BZW1: variants seen among roughly 807,000 people sequenced by gnomAD.
The protein encoded by BZW1 is basic leucine zipper and W2 domains 1.
Under a neutral mutation model 54.1 loss-of-function variants are expected in BZW1, and 3 were observed. That is an observed-to-expected ratio of 0.06 (90% CI 0.03 to 0.14). The LOEUF (loss-of-function observed/expected upper bound fraction) is 0.14. Among genes scored for constraint, BZW1 ranks in the 10% least tolerant of loss-of-function variants. The probability of loss-of-function intolerance (pLI) is 1.00; values close to 1 mark genes in which losing one functional copy is unlikely to be tolerated. For synonymous variants in BZW1, 152 were observed against 162.7 expected, an observed-to-expected ratio of 0.93 and a Z score of 0.50; for missense variants, 206 against 491.7, an observed-to-expected ratio of 0.42 and a Z score of 5.50.
chr2:200,820,676 C>T (rs1205848775), intron 10 of BZW1, among the ~76,000 whole-genome samples: 1 of 150,868 alleles, frequency 6.6e-6, no homozygotes, highest in Non-Finnish European at 1.5e-5. Flanking sequence ...CAAGTGAGAC[C>T]CTGTTTCAAA....
chr2:200,812,305 G>C (rs1487677842), intron 1 of BZW1: 5 of 1,251,086 alleles, frequency 4.0e-6, no homozygotes, highest in East Asian at 6.3e-5. Flanking sequence ...CCTCTGTTGT[G>C]TGATGTACGC....
intron 1 of BZW1, 137 bp from the exon 2 acceptor site, chr2:200,813,071 C>G (rs758030166): frequency 8.9e-5 from 64 of 717,962 alleles, no homozygotes; most frequent in Non-Finnish European, 1.4e-4. Flanking sequence ...GTGCCTGTAT[C>G]GGGTATAATT....
rs1345467446 is a variant in BZW1 at position 200,824,396 on chromosome 2, T to A, written c.*2218T>A. On this transcript the variant is annotated 3_prime_UTR_variant, in exon 12 of 12. Coordinates refer to ENST00000409600, the MANE Select transcript of BZW1 (RefSeq NM_001207067.2). ...GATAAATGTTTTTTCTAACTGTCAG[T>A]TTCTAAGGCTGTCTCCTTAGAAACT... 6.6e-6 allele frequency: 1 copy of A among 152,152 alleles called. No homozygotes were observed. Among genetic ancestry groups the A allele is most frequent in the Non-Finnish European group, 1.5e-5 (1 of 68,016 alleles). The allele number at this position is 152,152 out of a possible 1,614,324, so 9.4% of individuals were successfully genotyped here.
chr2:200,815,784 G>C (rs1331453007), intron 4 of BZW1, 23 bp downstream of exon 4: 5 of 1,506,752 alleles, frequency 3.3e-6, no homozygotes, highest in Non-Finnish European at 4.4e-6. Context: ...TTACATAATT[G>C]TTTTCAGTTG....
chr2:200,812,617 G>A (rs1026485321), intron 1 of BZW1: 8 of 1,338,740 alleles, frequency 6.0e-6, no homozygotes, highest in Non-Finnish European at 7.0e-6. Flanking sequence ...TGGGAGACAC[G>A]TTACCGGGGA....
chr2:200,813,869 T>C (rs2038187946), intron 2 of BZW1, among the ~76,000 whole-genome samples: 1 of 152,236 alleles, frequency 6.6e-6, no homozygotes, highest in African/African-American at 2.4e-5. Context: ...AGACGTAGTC[T>C]CAGATATATT....
chr2:200,811,890 C>T (rs574807822), upstream of BZW1: 5 of 201,532 alleles, frequency 2.5e-5, no homozygotes, highest in South Asian at 5.7e-4. Flanking sequence ...GGGGTGGCAC[C>T]TCTCCCTCCT....
In BZW1 at chr2:200,812,483, C is replaced by A. The variant is rs906399959; in HGVS notation, c.-11+493C>A. ...CCGCTCGTTGCGGCGGCCGCCACCG[C>A]AGGCGACAGGGTCAGTGGAGAAAGA... On this transcript the variant is annotated intron_variant, in intron 1 of 11. Coordinates refer to ENST00000409600, the MANE Select transcript of BZW1 (RefSeq NM_001207067.2). The A allele has an allele frequency of 5.2e-6, 7 of 1,337,098 alleles. No homozygotes were observed. In the African/African-American group the frequency reaches 9.0e-5, roughly 17 times the overall value. 82.8% of individuals were successfully genotyped at this position (1,337,098 alleles called of 1,614,324 possible).
rs1160969040 is a variant in BZW1 at position 200,815,624 on chromosome 2, GA to G, written c.242-42del. On this transcript the variant is annotated intron_variant, in intron 3 of 11. Coordinates refer to ENST00000409600, the MANE Select transcript of BZW1 (RefSeq NM_001207067.2). ...TTTGGCAAACTTGTTAAAATGGAGT[GA>G]TTTTTTTGGTTTTGTTGTATTTTGG... 4 of 1,583,044 alleles carry G rather than the reference GA, an allele frequency of 2.5e-6. No individual in the cohort carries two copies. The African/African-American group carries it at 5.4e-5, about 21-fold the overall frequency.
chr2:200,812,610 G>T, intron 1 of BZW1: 1 of 1,362,904 alleles, frequency 7.3e-7, no homozygotes. Flanking sequence ...TGTGGATTGG[G>T]AGACACGTTA....
intron 4 of BZW1, 110 bp from the exon 5 acceptor site, chr2:200,816,212 ATTC>A (rs1386286741): frequency 1.3e-5 from 8 of 633,550 alleles, no homozygotes; most frequent in South Asian, 1.2e-4. Flanking sequence ...GTCACTAGGA[ATTC>A]TTCTCAAGCT....
At position 200,812,344 on chromosome 2, in the gene BZW1, G is replaced by A. The variant is rs2038100457; in HGVS notation, c.-11+354G>A. 2.4e-6 allele frequency: 3 copies of A among 1,265,422 alleles called. No individual in the cohort carries two copies. The South Asian group carries it at 9.1e-5, about 38-fold the overall frequency. 78.4% of individuals were successfully genotyped at this position (1,265,422 alleles called of 1,614,324 possible). The stretch of plus-strand genomic sequence containing the variant: ...GGGGCTTCCGGCGGGCGGGGCGGAG[G>A]GGCTGCCACCCACCACCGCTGCGGC... On this transcript the variant is annotated intron_variant, in intron 1 of 11. Coordinates refer to ENST00000409600, the MANE Select transcript of BZW1 (RefSeq NM_001207067.2).
At chr2:200,812,363 C>G in intron 1 of BZW1, 1 of 1,283,050 alleles carries the variant, frequency 7.8e-7, no homozygotes, top group Non-Finnish European at 9.8e-7. Flanking sequence ...CCCACCACCG[C>G]TGCGGCCGCC....
chr2:200,818,945 CGTG>C, intron 9 of BZW1, 44 bp downstream of exon 9: 1 of 1,510,012 alleles, frequency 6.6e-7, no homozygotes, highest in East Asian at 2.5e-5. Flanking sequence ...TCTGCTTTCA[CGTG>C]GTGATAAGTG....
At position 200,811,940 on chromosome 2, in the gene BZW1, G is replaced by A; in HGVS notation, c.-61G>A. The A allele has an allele frequency of 3.5e-6, 1 of 281,908 alleles. No individual in the cohort carries two copies. Among genetic ancestry groups the A allele is most frequent in the East Asian group, 5.9e-5 (1 of 16,972 alleles). The allele number at this position is 281,908 out of a possible 1,614,324, so 17.5% of individuals were successfully genotyped here. On this transcript the variant is annotated 5_prime_UTR_variant, in exon 1 of 12. Coordinates refer to ENST00000409600, the MANE Select transcript of BZW1 (RefSeq NM_001207067.2). ...CGGTCGCAGAGGAGACACCGCCGCA[G>A]TTGCCGGTACATCGGGGATTTCTGG...
In BZW1 at chr2:200,826,905, ATGCTAATATTCTT is replaced by A. The variant is rs1559318628; in HGVS notation, c.*4728_*4740del. 1 of 151,878 alleles carries A rather than the reference ATGCTAATATTCTT, an allele frequency of 6.6e-6. No homozygotes were observed. Among genetic ancestry groups the A allele is most frequent in the Admixed American group, 6.6e-5 (1 of 15,250 alleles). The allele number at this position is 151,878 out of a possible 1,614,324, so 9.4% of individuals were successfully genotyped here. On this transcript the variant is annotated 3_prime_UTR_variant, in exon 12 of 12. Coordinates refer to ENST00000409600, the MANE Select transcript of BZW1 (RefSeq NM_001207067.2). ...GGCAAAACAAGCTAGGAGCTAGTTC[ATGCTAATATTCTT>A]AAGGACAAAAATAGTTTACAGCTTT...
Position 200,811,926 on chromosome 2 carries a change from G to C in BZW1, c.-75G>C. On this transcript the variant is annotated 5_prime_UTR_variant, in exon 1 of 12. Coordinates refer to ENST00000409600, the MANE Select transcript of BZW1 (RefSeq NM_001207067.2). ...CCTGGCGTTAGTTCCGGTCGCAGAG[G>C]AGACACCGCCGCAGTTGCCGGTACA... 4.0e-6 allele frequency: 1 copy of C among 250,766 alleles called. No homozygotes were observed. Among genetic ancestry groups the C allele is most frequent in the Non-Finnish European group, 7.6e-6 (1 of 131,882 alleles). 15.5% of individuals were successfully genotyped at this position (250,766 alleles called of 1,614,324 possible).
At chr2:200,814,355 C>G (rs950619621) in intron 2 of BZW1, among the ~76,000 whole-genome samples, 5 of 152,168 alleles carry the variant, frequency 3.3e-5, no homozygotes, top group Admixed American at 6.5e-5. Flanking sequence ...GTAGGGTATA[C>G]AACACTCCCT....
intron 2 of BZW1, among the ~76,000 whole-genome samples, chr2:200,814,240 C>T (rs1575048646): frequency 6.6e-6 from 1 of 152,206 alleles, no homozygotes; most frequent in Non-Finnish European, 1.5e-5. Context: ...CAAATAATAG[C>T]AAGTAGCTTT....
Sources: gnomAD v4.1 joint callset for allele counts (sites outside exome capture counted in the v4.1 genomes callset) on GRCh38, gnomAD v4.1.1 for gene constraint, MANE v1.5 for transcripts, NCBI Gene and HGNC (gene_info 2026-07-23, HGNC 2026-07-21) for gene names.